FAM124B: variants seen among roughly 807,000 people sequenced by gnomAD.
FAM124B encodes protein FAM124B.
In FAM124B, 18 loss-of-function variants were observed where a neutral mutation model predicts 19.7. The observed-to-expected ratio is 0.92, with a 90% CI of 0.63 to 1.36. The LOEUF (loss-of-function observed/expected upper bound fraction) is 1.36, where lower values mean the gene tolerates loss of function less well. FAM124B is among the 40% of genes most tolerant of loss of function. The pLI is 0.00. For missense variants in FAM124B, 540 were observed against 553.3 expected (o/e 0.98, Z 0.24); for synonymous variants, 223 against 225.2 (o/e 0.99, Z 0.09).
intron 1 of FAM124B, among the ~76,000 whole-genome samples, chr2:224,391,779 C>T (rs1478202045): frequency 6.6e-6 from 1 of 152,140 alleles, no homozygotes; most frequent in Non-Finnish European, 1.5e-5. Context: ...TTTAAACTTT[C>T]TAAACCTCAA....
At chr2:224,383,933 C>A (rs1689762921) in intron 1 of FAM124B, among the ~76,000 whole-genome samples, 2 of 152,234 alleles carry the variant, frequency 1.3e-5, no homozygotes, top group Non-Finnish European at 2.9e-5. Flanking sequence ...ATTATCCAAT[C>A]TGGAGAAAGA....
intron 1 of FAM124B, among the ~76,000 whole-genome samples, chr2:224,398,538 T>G (rs1440883298): frequency 6.6e-6 from 1 of 152,324 alleles, no homozygotes; most frequent in South Asian, 2.1e-4. Context: ...AGCAGAATTT[T>G]CCAGAAGGCG....
Position 224,401,833 on chromosome 2 carries a change from A to T in FAM124B, c.-65T>A. 1 of 1,535,186 alleles carries T rather than the reference A, an allele frequency of 6.5e-7. No individual in the cohort carries two copies. The highest frequency in any genetic ancestry group is 8.8e-7 in the Non-Finnish European group (1 of 1,142,152). On this transcript the variant is annotated 5_prime_UTR_variant, in exon 1 of 2. Transcript: ENST00000409685. ...AAGGCCCACTGTTCAAGTTTCTGAA[A>T]TGAATGAAGAAGCGGCCCAGCCTTC...
Position 224,401,966 on chromosome 2 carries a change from A to G in FAM124B, c.-198T>C, listed in dbSNP as rs1574579358. The G allele has an allele frequency of 3.4e-6, 2 of 592,826 alleles. No individual in the cohort carries two copies. The allele number at this position is 592,826 out of a possible 1,614,324, so 36.7% of individuals were successfully genotyped here. ...TGGACTTACGGCAAGAGAAGCTCACACCAGCTCGGGTTCAGCAGCCTCCCT... is the reference window on the plus strand; with the variant it reads ...TGGACTTACGGCAAGAGAAGCTCACGCCAGCTCGGGTTCAGCAGCCTCCCT... On this transcript the variant is annotated 5_prime_UTR_variant, in exon 1 of 2. Coordinates refer to ENST00000409685, the MANE Select transcript of FAM124B (RefSeq NM_001122779.2).
intron 1 of FAM124B, chr2:224,399,741 G>A (rs569038734): frequency 6.6e-6 from 1 of 152,252 alleles, no homozygotes; most frequent in Admixed American, 6.5e-5. Context: ...TAACTTCATA[G>A]GTTGTTATAA....
chr2:224,388,029 G>A (rs7600162), intron 1 of FAM124B, among the ~76,000 whole-genome samples: 42,454 of 152,062 alleles, frequency 0.28, 6,713 homozygotes, highest in East Asian at 0.5. Flanking sequence ...CCTGAAAACA[G>A]GTAGTCAGTC....
intron 1 of FAM124B, 119 bp downstream of exon 1, chr2:224,400,918 A>AAGACC: frequency 7.5e-7 from 1 of 1,333,526 alleles, no homozygotes; most frequent in Non-Finnish European, 1.0e-6. Flanking sequence ...GAATTTATGA[A>AAGACC]AGACCCTAAG....
At chr2:224,394,924 A>T (rs1689946292) in intron 1 of FAM124B, among the ~76,000 whole-genome samples, 1 of 152,218 alleles carries the variant, frequency 6.6e-6, no homozygotes. Context: ...TCATTAGACC[A>T]CCAGGGCAGT....
rs1203998268 is a variant in FAM124B at position 224,401,393 on chromosome 2, AGATGGGCAGCTGACT to A, written c.361_375del (p.Ser121_Ile125del). Reference sequence around the variant, plus strand: ...CCACAGTGCACCTGCCTCACCCCCCAGATGGGCAGCTGACTGTCCAGGCTGTAGAACTCCTGATTG... The same window carrying A: ...CCACAGTGCACCTGCCTCACCCCCCAGTCCAGGCTGTAGAACTCCTGATTG... On this transcript the variant is annotated inframe_deletion, in exon 1 of 2. Transcript: ENST00000409685. 1 of 1,614,106 alleles carries A rather than the reference AGATGGGCAGCTGACT, an allele frequency of 6.2e-7. No individual in the cohort carries two copies. Among genetic ancestry groups the A allele is most frequent in the Non-Finnish European group, 8.5e-7 (1 of 1,180,018 alleles).
Position 224,401,025 on chromosome 2 carries a change from A to G in FAM124B, c.732+12T>C, listed in dbSNP as rs765323647. The G allele has an allele frequency of 1.3e-6, 2 of 1,577,494 alleles. No individual in the cohort carries two copies. The highest frequency in any genetic ancestry group is 4.5e-5 in the East Asian group (2 of 44,460). On this transcript the variant is annotated intron_variant, in intron 1 of 1. Transcript: ENST00000409685. ...ATGAGCCTCTACAAGATCTGAGACA[A>G]AACAGAAATACCTGAAGCAGAATCT...
At position 224,395,521 on chromosome 2, in the gene FAM124B, G is replaced by A. The variant is rs187654154; in HGVS notation, c.732+5516C>T. ...CAAAAGCACAGGGAGAAAAGCAGAG[G>A]GACTGTTTGAACGAATAAAGGGAAG... On this transcript the variant is annotated intron_variant, in intron 1 of 1. Transcript: ENST00000409685. 2.6e-5 allele frequency among the ~76,000 whole-genome samples: 4 copies of A among 152,222 alleles called. No individual in the cohort carries two copies. In the East Asian group the frequency reaches 7.7e-4, roughly 29 times the overall value.
In FAM124B at chr2:224,401,926, G is replaced by T; in HGVS notation, c.-158C>A. 1 of 818,070 alleles carries T rather than the reference G, an allele frequency of 1.2e-6. No individual in the cohort carries two copies. 50.7% of individuals were successfully genotyped at this position (818,070 alleles called of 1,614,324 possible). ...AGAGCTCTTAACCAGACTAACACGT[G>T]CTCCTGGCCACCCGTGGACTTACGG... On this transcript the variant is annotated 5_prime_UTR_variant, in exon 1 of 2. Transcript: ENST00000409685.
chr2:224,386,898 T>C (rs1574572385), intron 1 of FAM124B, among the ~76,000 whole-genome samples: 2 of 152,214 alleles, frequency 1.3e-5, no homozygotes, highest in South Asian at 4.1e-4. Flanking sequence ...TAGGTGGACA[T>C]AAAGTCTTAA....
At chr2:224,394,477 T>G (rs1401526557) in intron 1 of FAM124B, among the ~76,000 whole-genome samples, 1 of 152,084 alleles carries the variant, frequency 6.6e-6, no homozygotes, top group African/African-American at 2.4e-5. Context: ...CCATTATGAG[T>G]TCCCTATTTC....
intron 1 of FAM124B, chr2:224,400,530 T>TA (rs890397343): frequency 2.9e-6 from 2 of 685,804 alleles, no homozygotes; most frequent in African/African-American, 1.8e-5. Flanking sequence ...AATTAAAAAT[T>TA]AAAAAAACCA....
At chr2:224,384,335 C>T (rs1015378404) in intron 1 of FAM124B, among the ~76,000 whole-genome samples, 4 of 152,230 alleles carry the variant, frequency 2.6e-5, no homozygotes, top group Admixed American at 2.6e-4. Context: ...CTCCCATCCA[C>T]ACTGCCTTTC....
Position 224,401,340 on chromosome 2 carries a change from G to A in FAM124B, c.429C>T (p.Tyr143=), listed in dbSNP as rs1240238741. Residue 143 remains tyrosine (Y), a synonymous_variant, in exon 1 of 2, where the codon TAC becomes TAT. Coordinates refer to ENST00000409685, the MANE Select transcript of FAM124B (RefSeq NM_001122779.2). ...CGSEILRVTL[Y]CSFDNYEDAI... ...CGTCTTCATAGTTATCAAAACTGCA[G>A]TACAGCGTCACCCTCAGGATCTCGG... 6 of 1,614,062 alleles carry A rather than the reference G, an allele frequency of 3.7e-6. No individual in the cohort carries two copies. The East Asian group carries it at 8.9e-5, about 24-fold the overall frequency.
At chr2:224,387,661 C>T (rs889545940) in intron 1 of FAM124B, among the ~76,000 whole-genome samples, 2 of 151,536 alleles carry the variant, frequency 1.3e-5, no homozygotes, top group Non-Finnish European at 1.5e-5. Flanking sequence ...TTCACAGCAA[C>T]ATAAAGTATT....
At chr2:224,395,579 A>G (rs1485038175) in intron 1 of FAM124B, among the ~76,000 whole-genome samples, 1 of 152,184 alleles carries the variant, frequency 6.6e-6, no homozygotes. Flanking sequence ...ACCCACTAAG[A>G]ATTGAGACAG....
Sources: gnomAD v4.1 joint callset for allele counts (sites outside exome capture counted in the v4.1 genomes callset) on GRCh38, gnomAD v4.1.1 for gene constraint, MANE v1.5 for transcripts, NCBI Gene and HGNC (gene_info 2026-07-23, HGNC 2026-07-21) for gene names.